Variants in SHROOM4 observed in about 807,000 individuals in gnomAD.
SHROOM4 encodes the protein protein Shroom4.
A neutral mutation model predicts 80.3 loss-of-function variants in SHROOM4; 17 were observed. The ratio of observed to expected loss-of-function variants is 0.21; its 90% CI spans 0.14 to 0.32. SHROOM4 has a LOEUF of 0.32. Ranked by LOEUF, SHROOM4 falls within the 10% of genes least tolerant of loss-of-function variation. The pLI is 1.00. For missense variants in SHROOM4, 993 were observed against 1,140.3 expected (o/e 0.87, Z 1.86); for synonymous variants, 400 against 437.5 (o/e 0.91, Z 1.07).
At chrX:50,738,735 G>A (rs1310601190) in intron 1 of SHROOM4, among the ~76,000 whole-genome samples, 1 of 111,462 alleles carries the variant, frequency 9.0e-6, no homozygotes, top group Non-Finnish European at 1.9e-5. Flanking sequence ...AATCAATATC[G>A]TGAAAATGGC....
chrX:50,801,588 G>C (rs1180427212), intron 1 of SHROOM4, among the ~76,000 whole-genome samples: 1 of 111,842 alleles, frequency 8.9e-6, no homozygotes, highest in African/African-American at 3.3e-5. Context: ...TACAGTATGT[G>C]CAAGGTCTGG....
intron 1 of SHROOM4, among the ~76,000 whole-genome samples, chrX:50,747,826 A>G (rs1557267749): frequency 8.9e-6 from 1 of 111,913 alleles, no homozygotes; most frequent in South Asian, 3.8e-4. Flanking sequence ...AGAAGGGGGG[A>G]ACATTAATTT....
chrX:50,750,506 C>T (rs782576146), intron 1 of SHROOM4, among the ~76,000 whole-genome samples: 9 of 112,131 alleles, frequency 8.0e-5, no homozygotes, highest in African/African-American at 2.6e-4. Context: ...AGGTGATCCA[C>T]TCGCCTCGGC....
chrX:50,595,532 A>C lies in SHROOM4; in HGVS notation c.*1163T>G, dbSNP rs1557246332. 5.4e-6 allele frequency: 1 copy of C among 183,663 alleles called. No individual in the cohort carries two copies. The highest frequency in any genetic ancestry group is 3.1e-5 in the African/African-American group (1 of 32,592). The allele number at this position is 183,663 out of a possible 1,213,427, so 15.1% of individuals were successfully genotyped here. A position where few individuals can be genotyped will look rare whatever the true frequency, so the allele number is the denominator to read the frequency against. On this transcript the variant is annotated 3_prime_UTR_variant, in exon 9 of 9. Coordinates refer to ENST00000376020, the MANE Select transcript of SHROOM4 (RefSeq NM_020717.5). Reference sequence around the variant, plus strand: ...CTTTGGTTTCAAAAAGAAATCAGTAAGAAAAACTTAAACCCTGCTGGGGAA... The same window carrying C: ...CTTTGGTTTCAAAAAGAAATCAGTACGAAAAACTTAAACCCTGCTGGGGAA...
At chrX:50,651,807 T>C (rs12007080) in intron 2 of SHROOM4, among the ~76,000 whole-genome samples, 14,675 of 108,419 alleles carry the variant, frequency 0.14, 1,560 homozygotes, top group African/African-American at 0.35. Flanking sequence ...TGTTCAACTT[T>C]CACTTATGAG....
In SHROOM4 at chrX:50,607,378, T is replaced by C; in HGVS notation, c.3761+3A>G. 1.7e-6 allele frequency: 2 copies of C among 1,210,833 alleles called. No homozygotes were observed. The highest frequency in any genetic ancestry group is 1.1e-6 in the Non-Finnish European group (1 of 895,243). ...AGACCTAGTATCTTTCATATGTACT[T>C]ACTTGGCGGATTCAGTGGCTTCCTG... On this transcript the variant is annotated splice_donor_region_variant and intron_variant, in intron 6 of 8. Transcript: ENST00000376020.
In SHROOM4 at chrX:50,589,659, T is replaced by C. The variant is rs964036545; in HGVS notation, c.*7036A>G. The stretch of plus-strand genomic sequence containing the variant: ...CCCTACTGTATGCATATATCAAAGT[T>C]TGTTTATCCATTCCTCAGTGGATGG... On this transcript the variant is annotated 3_prime_UTR_variant, in exon 9 of 9. Coordinates refer to ENST00000376020, the MANE Select transcript of SHROOM4 (RefSeq NM_020717.5). Among the ~76,000 whole-genome samples the C allele has an allele frequency of 8.9e-6, 1 of 112,357 alleles. No homozygotes were observed. Among genetic ancestry groups the C allele is most frequent in the Non-Finnish European group, 1.9e-5 (1 of 53,278 alleles).
At chrX:50,760,414 T>C (rs1276559886) in intron 1 of SHROOM4, among the ~76,000 whole-genome samples, 2 of 106,918 alleles carry the variant, frequency 1.9e-5, no homozygotes, top group African/African-American at 6.8e-5. Context: ...CATAGCTCAC[T>C]GCAGCCTCAA....
rs1224054602 is a variant in SHROOM4 at position 50,755,277 on chromosome X, T to C, written c.117+58625A>G. Among the ~76,000 whole-genome samples the C allele has an allele frequency of 1.8e-5, 2 of 111,968 alleles. 1 individual carries two copies. The highest frequency in any genetic ancestry group is 5.6e-4 in the East Asian group (2 of 3,562). ...TATCCGCTATAGAAACCACAAGTGC[T>C]ACAAATTAGGTTTTACTTATTTACT... On this transcript the variant is annotated intron_variant, in intron 1 of 8. Coordinates refer to ENST00000376020, the MANE Select transcript of SHROOM4 (RefSeq NM_020717.5).
intron 1 of SHROOM4, among the ~76,000 whole-genome samples, chrX:50,719,445 C>T (rs1421160257): frequency 2.7e-5 from 3 of 111,687 alleles, no homozygotes; most frequent in Non-Finnish European, 5.6e-5. Context: ...TTTTATCCTC[C>T]AAGTCCTTGC....
At chrX:50,579,808 T>G in the SHROOM4 span, among the ~76,000 whole-genome samples, 1 of 111,316 alleles carries the variant, frequency 9.0e-6, no homozygotes, top group Non-Finnish European at 1.9e-5. Flanking sequence ...CTTTGGGTGG[T>G]GTCTAGGGAT....
At chrX:50,770,677 C>T (rs1476591970) in intron 1 of SHROOM4, among the ~76,000 whole-genome samples, 1 of 112,083 alleles carries the variant, frequency 8.9e-6, no homozygotes, top group Non-Finnish European at 1.9e-5. Flanking sequence ...CCCTGACAGA[C>T]ATCATTGAAA....
At chrX:50,584,695 G>A (rs1375954451), downstream of SHROOM4, among the ~76,000 whole-genome samples, 2 of 111,512 alleles carry the variant, frequency 1.8e-5, no homozygotes, top group African/African-American at 6.5e-5. Context: ...AGAAAGAGGA[G>A]GATGTCTGGG....
At chrX:50,741,571 T>C (rs1202667217) in intron 1 of SHROOM4, among the ~76,000 whole-genome samples, 4 of 111,239 alleles carry the variant, frequency 3.6e-5, no homozygotes, top group African/African-American at 1.3e-4. Flanking sequence ...TCATTAAAAA[T>C]ATTAATTTAA....
At chrX:50,777,089 G>T (rs1935527704) in intron 1 of SHROOM4, among the ~76,000 whole-genome samples, 1 of 111,611 alleles carries the variant, frequency 9.0e-6, no homozygotes, top group African/African-American at 3.3e-5. Context: ...CAAGAACTAG[G>T]CATTTATTTA....
intron 2 of SHROOM4, among the ~76,000 whole-genome samples, chrX:50,689,274 G>A (rs1933161126): frequency 9.0e-6 from 1 of 111,520 alleles, no homozygotes; most frequent in South Asian, 3.8e-4. Context: ...ACATTGGTAA[G>A]GAAATGAGAG....
chrX:50,611,968 T>C (rs782159150), intron 5 of SHROOM4, among the ~76,000 whole-genome samples: 60 of 111,128 alleles, frequency 5.4e-4, no homozygotes, highest in Non-Finnish European at 9.6e-4. Context: ...TAAATACTTA[T>C]ATTAGTATGT....
rs1557245462 is a variant in SHROOM4, at chrX:50,591,686, TTTC to T, written c.*5006_*5008del. 1 of 262,551 alleles carries T rather than the reference TTTC, an allele frequency of 3.8e-6. No individual in the cohort carries two copies. The highest frequency in any genetic ancestry group is 5.6e-5 in the Admixed American group (1 of 17,724). 21.6% of individuals were successfully genotyped at this position (262,551 alleles called of 1,213,427 possible). On this transcript the variant is annotated 3_prime_UTR_variant, in exon 9 of 9. Coordinates refer to ENST00000376020, the MANE Select transcript of SHROOM4 (RefSeq NM_020717.5). ...TGGAACTGTTTTCTTTCTTTCTTTCTTTCTTTCTTTTCTTTCTTTCTTTCTTTC... is the reference window on the plus strand; with the variant it reads ...TGGAACTGTTTTCTTTCTTTCTTTCTTTTCTTTTCTTTCTTTCTTTCTTTC...
chrX:50,606,332 C>T (rs1557248549), intron 6 of SHROOM4, among the ~76,000 whole-genome samples: 1 of 109,289 alleles, frequency 9.2e-6, no homozygotes, highest in African/African-American at 3.4e-5. Context: ...ACTAGCTCCA[C>T]ATAGACAAGT....
Sources: allele counts gnomAD v4.1 joint callset (sites outside exome capture counted in the v4.1 genomes callset), GRCh38; gene constraint gnomAD v4.1.1; transcripts MANE v1.5; gene names NCBI Gene and HGNC (gene_info 2026-07-23, HGNC 2026-07-21).